CDK14: variants seen among roughly 807,000 people sequenced by gnomAD.
CDK14 encodes the protein cyclin dependent kinase 14, also known as cyclin-dependent kinase 14.
A neutral mutation model predicts 60.7 loss-of-function variants in CDK14; 34 were observed. The observed-to-expected ratio is 0.56, with a 90% CI of 0.43 to 0.75. The LOEUF (loss-of-function observed/expected upper bound fraction) is 0.75. Among genes scored for constraint, CDK14 ranks in the 30% least tolerant of loss-of-function variants. The pLI, the probability that CDK14 is intolerant of heterozygous loss-of-function variation, is 0.00. For synonymous variants in CDK14, 197 were observed against 203.7 expected, an observed-to-expected ratio of 0.97 and a Z score of 0.28; for missense variants, 482 against 564.1, an observed-to-expected ratio of 0.85 and a Z score of 1.47.
At chr7:90,899,193 T>C (rs1792426212) in intron 6 of CDK14, 98 bp from the exon 7 acceptor site, 2 of 903,668 alleles carry the variant, frequency 2.2e-6, no homozygotes, top group African/African-American at 1.8e-5. Flanking sequence ...TTTTATTTGC[T>C]CTGTTCAGAA....
In CDK14 at chr7:90,851,915, T is replaced by C. The variant is rs114815774; in HGVS notation, c.545-11260T>C. On this transcript the variant is annotated intron_variant, in intron 5 of 14. Transcript: ENST00000380050. ...ATAGTCATAGTGTAACCTCAAATTC[T>C]TGGGCTCAACTCTCACTCTGTCACC... Among the ~76,000 whole-genome samples, 892 of 152,268 alleles carry C rather than the reference T, an allele frequency of 5.9e-3. 15 individuals carry two copies. Among genetic ancestry groups the C allele is most frequent in the African/African-American group, 0.02 (845 of 41,548 alleles).
chr7:90,777,982 C>T (rs1361846996), intron 4 of CDK14, among the ~76,000 whole-genome samples: 4 of 152,306 alleles, frequency 2.6e-5, no homozygotes, highest in Admixed American at 2.6e-4. Context: ...GAACATCATT[C>T]TCTGATCAGG....
Position 90,990,458 on chromosome 7 carries a change from C to CT in CDK14, c.1041+6218dup, listed in dbSNP as rs200768963. 7.8e-3 allele frequency among the ~76,000 whole-genome samples: 1,187 copies of CT among 152,274 alleles called. 20 individuals are homozygous for CT. The highest frequency in any genetic ancestry group is 0.028 in the African/African-American group (1,146 of 41,542). On this transcript the variant is annotated intron_variant, in intron 10 of 14. Transcript: ENST00000380050. ...AGATTATAATACTCTACCTCCCACC[C>CT]TGGAACAAGTACCTCTTAATTTGTA...
chr7:90,899,460 G>T, intron 7 of CDK14, 107 bp downstream of exon 7: 1 of 771,606 alleles, frequency 1.3e-6, no homozygotes. Flanking sequence ...TAAATTTTTT[G>T]TGTAAAGAGA....
At chr7:90,672,298 T>A (rs1368895983) in intron 2 of CDK14, among the ~76,000 whole-genome samples, 5 of 152,130 alleles carry the variant, frequency 3.3e-5, no homozygotes, top group Non-Finnish European at 5.9e-5. Flanking sequence ...AAATAATCCT[T>A]GTGTCCTATA....
chr7:90,883,052 T>G (rs1315067381), intron 6 of CDK14, among the ~76,000 whole-genome samples: 1 of 150,082 alleles, frequency 6.7e-6, no homozygotes, highest in Non-Finnish European at 1.5e-5. Context: ...CAATAGCAAA[T>G]GAATCCAAAA....
chr7:91,053,133 G>A (rs573887504), intron 11 of CDK14, among the ~76,000 whole-genome samples: 1 of 152,236 alleles, frequency 6.6e-6, no homozygotes, highest in Admixed American at 6.5e-5. Context: ...ATACTATGGT[G>A]ATAACACCTT....
chr7:90,688,160 A>G (rs149202393), intron 2 of CDK14, among the ~76,000 whole-genome samples: 1 of 152,308 alleles, frequency 6.6e-6, no homozygotes, highest in African/African-American at 2.4e-5. Flanking sequence ...TGTGGTTATC[A>G]TAGCAGTCAG....
At chr7:90,638,585 T>C (rs1800222397) in intron 2 of CDK14, among the ~76,000 whole-genome samples, 1 of 152,194 alleles carries the variant, frequency 6.6e-6, no homozygotes, top group Non-Finnish European at 1.5e-5. Flanking sequence ...ATTTCAACTT[T>C]TGTGAATCTG....
intron 10 of CDK14, among the ~76,000 whole-genome samples, chr7:91,033,773 C>T (rs1796832185): frequency 6.6e-6 from 1 of 152,222 alleles, no homozygotes; most frequent in Admixed American, 6.5e-5. Flanking sequence ...GCTGCACGTG[C>T]ACGTACATTT....
At chr7:90,664,271 T>C (rs1425685427) in intron 2 of CDK14, among the ~76,000 whole-genome samples, 1 of 152,178 alleles carries the variant, frequency 6.6e-6, no homozygotes, top group African/African-American at 2.4e-5. Context: ...AAGGCAATCA[T>C]TAAAAAGTCA....
intron 2 of CDK14, among the ~76,000 whole-genome samples, chr7:90,628,768 G>A (rs1385397513): frequency 6.6e-6 from 1 of 152,054 alleles, no homozygotes; most frequent in Non-Finnish European, 1.5e-5. Flanking sequence ...TCCAGATGTT[G>A]CAGGCTGCAG....
intron 8 of CDK14, among the ~76,000 whole-genome samples, chr7:90,923,895 C>A (rs1175211176): frequency 6.6e-6 from 1 of 152,108 alleles, no homozygotes; most frequent in Non-Finnish European, 1.5e-5. Context: ...AAGACTGGAA[C>A]CTTAAGTAGC....
intron 5 of CDK14, among the ~76,000 whole-genome samples, chr7:90,849,577 G>A (rs935119290): frequency 6.6e-6 from 1 of 151,998 alleles, no homozygotes; most frequent in Non-Finnish European, 1.5e-5. Context: ...CGCTCTTGGG[G>A]ATTGGAGAGG....
intron 9 of CDK14, among the ~76,000 whole-genome samples, chr7:90,962,369 C>CTTGG (rs1794626944): frequency 6.6e-6 from 1 of 152,036 alleles, no homozygotes; most frequent in Non-Finnish European, 1.5e-5. Context: ...GCATGTAACC[C>CTTGG]CAGCTACTTG....
chr7:90,907,398 A>ATGTGT (rs974622167), intron 7 of CDK14, among the ~76,000 whole-genome samples: 1 of 152,020 alleles, frequency 6.6e-6, no homozygotes. Context: ...TCAGTTTTTC[A>ATGTGT]TGTGTTCTTT....
intron 8 of CDK14, among the ~76,000 whole-genome samples, chr7:90,935,408 A>G (rs1036895340): frequency 3.3e-5 from 5 of 152,224 alleles, no homozygotes; most frequent in African/African-American, 1.2e-4. Context: ...AGAAAGGGTT[A>G]TTTTTAAAAG....
intron 2 of CDK14, among the ~76,000 whole-genome samples, chr7:90,684,556 GAT>G (rs1801390135): frequency 6.6e-6 from 1 of 152,148 alleles, no homozygotes; most frequent in South Asian, 2.1e-4. Context: ...TATTCAAAAA[GAT>G]ATACTCAGAG....
intron 4 of CDK14, among the ~76,000 whole-genome samples, chr7:90,764,775 A>G (rs145732905): frequency 2.1e-3 from 320 of 152,340 alleles, no homozygotes; most frequent in Non-Finnish European, 4.0e-3. Context: ...TGAATTTTTA[A>G]AAGATATCTG....
Sources: allele counts gnomAD v4.1 joint callset (sites outside exome capture counted in the v4.1 genomes callset), GRCh38; gene constraint gnomAD v4.1.1; transcripts MANE v1.5; gene names NCBI Gene and HGNC (gene_info 2026-07-23, HGNC 2026-07-21).